The following RBFOX1 variants were observed in gnomAD, a reference collection of about 807,000 sequenced individuals.
RBFOX1 encodes the protein RNA binding protein fox-1 homolog 1.
Under a neutral mutation model 57.7 loss-of-function variants are expected in RBFOX1, and 8 were observed. The ratio of observed to expected loss-of-function variants is 0.14; its 90% CI spans 0.08 to 0.25. The LOEUF is 0.25. Ranked by LOEUF, RBFOX1 falls within the 10% of genes least tolerant of loss-of-function variation. The probability of loss-of-function intolerance (pLI) is 1.00; values close to 1 mark genes in which losing one functional copy is unlikely to be tolerated. For missense variants in RBFOX1, 611 were observed against 548.5 expected (o/e 1.11, Z -1.14); for synonymous variants, 326 against 222.4 (o/e 1.47, Z -4.15).
intron 2 of RBFOX1, among the ~76,000 whole-genome samples, chr16:5,530,598 G>T (rs181230502): frequency 1.3e-5 from 2 of 152,170 alleles, no homozygotes. Context: ...TTCTGTTGTT[G>T]GGGTGATATT....
At chr16:5,289,447 G>T (rs991549160) in intron 1 of RBFOX1, 7 of 239,814 alleles carry the variant, frequency 2.9e-5, no homozygotes, top group Admixed American at 5.2e-5. Flanking sequence ...ACATTAGATT[G>T]TGAAGCCTTA....
chr16:7,123,514 C>T (rs969682890), intron 4 of RBFOX1, among the ~76,000 whole-genome samples: 1 of 151,992 alleles, frequency 6.6e-6, no homozygotes, highest in Non-Finnish European at 1.5e-5. Context: ...ACAGGTGCAC[C>T]TCAACATAAT....
chr16:6,273,558 C>G (rs971136908), intron 1 of RBFOX1, among the ~76,000 whole-genome samples: 2 of 151,830 alleles, frequency 1.3e-5, no homozygotes, highest in African/African-American at 4.8e-5. Flanking sequence ...GTTGGTCAGG[C>G]TGGTCTGGAA....
chr16:6,265,470 C>T (rs1323008791), intron 1 of RBFOX1, among the ~76,000 whole-genome samples: 3 of 152,150 alleles, frequency 2.0e-5, no homozygotes, highest in Non-Finnish European at 4.4e-5. Flanking sequence ...CCATGTTGGC[C>T]AGGCTGGTCT....
intron 4 of RBFOX1, among the ~76,000 whole-genome samples, chr16:7,141,128 G>C (rs1176880150): frequency 1.3e-5 from 2 of 152,164 alleles, no homozygotes; most frequent in Non-Finnish European, 2.9e-5. Flanking sequence ...AGTGGCTCTG[G>C]CTTTATCAGG....
chr16:7,020,469 T>G (rs1211514603), intron 3 of RBFOX1, among the ~76,000 whole-genome samples: 1 of 152,160 alleles, frequency 6.6e-6, no homozygotes, highest in Admixed American at 6.5e-5. Context: ...TCCACCTGCC[T>G]CAACCTCCCA....
chr16:6,420,023 A>C (rs1344275665), intron 2 of RBFOX1, among the ~76,000 whole-genome samples: 3 of 152,124 alleles, frequency 2.0e-5, no homozygotes, highest in African/African-American at 7.2e-5. Flanking sequence ...AATGGATCCC[A>C]CTGAGCTGTT....
intron 2 of RBFOX1, among the ~76,000 whole-genome samples, chr16:6,554,056 A>T (rs781388395): frequency 1.4e-5 from 2 of 145,376 alleles, no homozygotes; most frequent in African/African-American, 5.6e-5. Context: ...ATGAATGGAT[A>T]AATAAGTGCT....
chr16:6,528,404 G>T (rs2096611345), intron 2 of RBFOX1, among the ~76,000 whole-genome samples: 1 of 152,118 alleles, frequency 6.6e-6, no homozygotes, highest in African/African-American at 2.4e-5. Context: ...CACCATCAAT[G>T]CACAGTCATT....
intron 3 of RBFOX1, among the ~76,000 whole-genome samples, chr16:6,677,408 C>A (rs985046441): frequency 6.6e-6 from 1 of 152,098 alleles, no homozygotes. Context: ...GACTGGAGGC[C>A]TATTTTATTA....
chr16:5,675,476 A>G (rs2050139091), intron 3 of RBFOX1, among the ~76,000 whole-genome samples: 1 of 152,190 alleles, frequency 6.6e-6, no homozygotes, highest in African/African-American at 2.4e-5. Context: ...CCCAGTGGGA[A>G]GAAGACAATT....
At chr16:5,686,067 A>C (rs1485608608) in intron 3 of RBFOX1, among the ~76,000 whole-genome samples, 1 of 152,224 alleles carries the variant, frequency 6.6e-6, no homozygotes, top group East Asian at 1.9e-4. Flanking sequence ...CCCTGCATTA[A>C]TATGGACAGG....
intron 2 of RBFOX1, among the ~76,000 whole-genome samples, chr16:6,350,326 A>G (rs1222905835): frequency 6.6e-6 from 1 of 151,786 alleles, no homozygotes; most frequent in African/African-American, 2.4e-5. Context: ...CTGTAATACT[A>G]TCTACTCGGG....
At chr16:7,099,314 C>T (rs1299004100) in intron 4 of RBFOX1, among the ~76,000 whole-genome samples, 1 of 152,108 alleles carries the variant, frequency 6.6e-6, no homozygotes, top group African/African-American at 2.4e-5. Context: ...TTCGTAATTC[C>T]TGGCTGGTGT....
intron 3 of RBFOX1, among the ~76,000 whole-genome samples, chr16:7,023,547 T>G (rs1385326767): frequency 1.9e-5 from 2 of 103,600 alleles, no homozygotes; most frequent in Non-Finnish European, 3.6e-5. Flanking sequence ...GCCAACATGG[T>G]GAAACTTCGT....
At chr16:5,349,804 G>A (rs1409624884) in intron 1 of RBFOX1, among the ~76,000 whole-genome samples, 1 of 152,242 alleles carries the variant, frequency 6.6e-6, no homozygotes, top group Non-Finnish European at 1.5e-5. Context: ...GGCTGTGCTG[G>A]AGCTACCTTG....
chr16:7,040,163 G>C (rs1290711362), intron 3 of RBFOX1, among the ~76,000 whole-genome samples: 1 of 152,004 alleles, frequency 6.6e-6, no homozygotes. Context: ...TGGGACTACA[G>C]GTGCCCGCCA....
chr16:7,409,554 A>C (rs2098401500), intron 4 of RBFOX1, among the ~76,000 whole-genome samples: 1 of 152,218 alleles, frequency 6.6e-6, no homozygotes, highest in South Asian at 2.1e-4. Context: ...TATCCTAAGC[A>C]GTGTATGTCT....
intron 1 of RBFOX1, among the ~76,000 whole-genome samples, chr16:6,072,310 T>C (rs991627728): frequency 4.6e-5 from 7 of 152,074 alleles, no homozygotes; most frequent in African/African-American, 1.7e-4. Flanking sequence ...TAAGGTGAAA[T>C]TTAGGTGGGG....
Sources: allele counts gnomAD v4.1 joint callset (sites outside exome capture counted in the v4.1 genomes callset), GRCh38; gene constraint gnomAD v4.1.1; transcripts MANE v1.5; gene names NCBI Gene and HGNC (gene_info 2026-07-23, HGNC 2026-07-21).